The following ZDHHC9 variants were observed in gnomAD, a reference collection of about 807,000 sequenced individuals.
ZDHHC9 encodes the protein palmitoyltransferase ZDHHC9.
In ZDHHC9, 3 loss-of-function variants were observed where a neutral mutation model predicts 26.6. The observed-to-expected ratio is 0.11, with a 90% confidence interval of 0.05 to 0.29. The LOEUF (loss-of-function observed/expected upper bound fraction) is 0.29. ZDHHC9 is among the 10% of genes least tolerant of loss of function. ZDHHC9 has a pLI of 1.00. For synonymous variants in ZDHHC9, 111 were observed against 109.4 expected, an observed-to-expected ratio of 1.01 and a Z score of -0.09; for missense variants, 146 against 296.4, an observed-to-expected ratio of 0.49 and a Z score of 3.73.
chrX:129,838,219 T>C (rs907872246), intron 3 of ZDHHC9, among the ~76,000 whole-genome samples: 6 of 112,644 alleles, frequency 5.3e-5, no homozygotes, highest in African/African-American at 1.9e-4. Context: ...AACCTACTGG[T>C]AATCTATAAT....
intron 4 of ZDHHC9, among the ~76,000 whole-genome samples, chrX:129,825,088 A>G (rs1457039585): frequency 9.0e-6 from 1 of 111,539 alleles, no homozygotes; most frequent in Non-Finnish European, 1.9e-5. Flanking sequence ...GGGGCACCTG[A>G]GATCAGGAGT....
intron 5 of ZDHHC9, among the ~76,000 whole-genome samples, chrX:129,815,830 A>T: frequency 8.9e-6 from 1 of 112,514 alleles, no homozygotes; most frequent in East Asian, 2.7e-4. Context: ...GAAAATACAA[A>T]TACTTCGTCA....
chrX:129,839,718 GAC>G (rs1282574216), intron 3 of ZDHHC9, among the ~76,000 whole-genome samples: 3 of 110,623 alleles, frequency 2.7e-5, no homozygotes, highest in African/African-American at 9.9e-5. Context: ...GTATATGACA[GAC>G]ACACACACAC....
At chrX:129,834,667 C>T (rs115300756) in intron 3 of ZDHHC9, among the ~76,000 whole-genome samples, 6,723 of 111,305 alleles carry the variant, frequency 0.06, 505 homozygotes, top group African/African-American at 0.21. Flanking sequence ...TACCCCTGCT[C>T]GAGAACTTAG....
rs190868140 is a variant in ZDHHC9, at chrX:129,819,962, G to C, written c.487+3717C>G. The stretch of plus-strand genomic sequence containing the variant: ...TCTGCCCACCTCGGCCTCCCAAAGT[G>C]CTGGGATTACAGGAGTGAGCCACCA... On this transcript the variant is annotated intron_variant, in intron 5 of 10. Coordinates refer to ENST00000357166, the MANE Select transcript of ZDHHC9 (RefSeq NM_016032.4). Among the ~76,000 whole-genome samples the C allele has an allele frequency of 1.3e-3, 149 of 111,201 alleles. 1 individual carries two copies. The highest frequency in any genetic ancestry group is 4.6e-3 in the African/African-American group (141 of 30,573).
At chrX:129,824,156 A>T (rs1483478838) in intron 4 of ZDHHC9, among the ~76,000 whole-genome samples, 1 of 112,533 alleles carries the variant, frequency 8.9e-6, no homozygotes, top group African/African-American at 3.2e-5. Flanking sequence ...TAAAAATTAA[A>T]GCACAAAGAT....
rs1382393310 is a variant in ZDHHC9, at chrX:129,811,412, G to T, written c.875C>A (p.Pro292His). 1 of 1,206,285 alleles carries T rather than the reference G, an allele frequency of 8.3e-7. No homozygotes were observed. The highest frequency in any genetic ancestry group is 1.1e-6 in the Non-Finnish European group (1 of 893,137). The stretch of plus-strand genomic sequence containing the variant: ...TTTTGAGTGCCCTGAGCACCTGGGG[G>T]GCAAGGGGCCACACAGCACTTCACA... The part of the protein sequence containing the change: ...NCCEVLCGPL[P>H]PSVLDRRGIL... The change falls in exon 9 of 11, where the codon CCC (proline) becomes CAC (histidine). Residue 292 changes from proline (P) to histidine (H), a missense_variant. Physicochemically the swap from Pro to His is moderately conservative, Grantham distance 77. Around this residue, in one of 2 missense-constraint regions of ZDHHC9, gnomAD observed 100 missense variants for 250.0 expected, o/e 0.40. Transcript: ENST00000357166.
chrX:129,830,303 G>A (rs766267711), intron 3 of ZDHHC9, among the ~76,000 whole-genome samples: 2 of 111,655 alleles, frequency 1.8e-5, no homozygotes, highest in African/African-American at 3.3e-5. Context: ...TCTCCTTATC[G>A]ATAAAATGAG....
At chrX:129,813,567 G>A (rs1270147127) in intron 7 of ZDHHC9, 110 bp downstream of exon 7, 3 of 795,723 alleles carry the variant, frequency 3.8e-6, no homozygotes, top group Non-Finnish European at 3.8e-6. Context: ...TTTAGACCTT[G>A]GCACTCTCTG....
chrX:129,821,085 C>G (rs1927872205), intron 5 of ZDHHC9, among the ~76,000 whole-genome samples: 1 of 111,530 alleles, frequency 9.0e-6, no homozygotes, highest in Non-Finnish European at 1.9e-5. Flanking sequence ...AAAAACCACA[C>G]TGAGATACCA....
rs777145353 is a variant in ZDHHC9 at position 129,818,262 on chromosome X, A to T, written c.488-3467T>A. Among the ~76,000 whole-genome samples, 12 of 111,921 alleles carry T rather than the reference A, an allele frequency of 1.1e-4. No individual in the cohort carries two copies. The South Asian group carries it at 4.1e-3, about 38-fold the overall frequency. ...AGAAACCATCCCTTCTCGCACCTCTATCTTGGACTTCCAGCCTCCAGAATT... is the reference window on the plus strand; with the variant it reads ...AGAAACCATCCCTTCTCGCACCTCTTTCTTGGACTTCCAGCCTCCAGAATT... On this transcript the variant is annotated intron_variant, in intron 5 of 10. Transcript: ENST00000357166.
In ZDHHC9 at chrX:129,805,634, A is replaced by G. The variant is rs1298519042; in HGVS notation, c.*736T>C. 2 of 112,450 alleles carry G rather than the reference A, an allele frequency of 1.8e-5. No homozygotes were observed. Among genetic ancestry groups the G allele is most frequent in the African/African-American group, 3.2e-5 (1 of 30,835 alleles). 9.3% of individuals were successfully genotyped at this position (112,450 alleles called of 1,213,427 possible). ...TGAAGGGCTATGCCGCTGGCATCTC[A>G]TAAATTCTTATTGAGAATGGCACAG... On this transcript the variant is annotated 3_prime_UTR_variant, in exon 11 of 11. Coordinates refer to ENST00000357166, the MANE Select transcript of ZDHHC9 (RefSeq NM_016032.4).
rs1184556704 is a variant in ZDHHC9 at position 129,828,968 on chromosome X, T to C, written c.328+13A>G. The C allele has an allele frequency of 8.3e-7, 1 of 1,211,608 alleles. No individual in the cohort carries two copies. The highest frequency in any genetic ancestry group is 1.1e-6 in the Non-Finnish European group (1 of 895,553). On this transcript the variant is annotated intron_variant, in intron 4 of 10. Transcript: ENST00000357166. ...CACTACACAGCAGCTTGCCAGCTGG[T>C]TGGAAGACTCACCTATCTCCATTTC...
intron 5 of ZDHHC9, among the ~76,000 whole-genome samples, chrX:129,818,223 G>A (rs1467700149): frequency 1.8e-5 from 2 of 111,907 alleles, no homozygotes; most frequent in African/African-American, 3.2e-5. Flanking sequence ...CAAGCCAGGG[G>A]GAGAGGCCTC....
intron 5 of ZDHHC9, 133 bp downstream of exon 5, chrX:129,823,546 T>C (rs970243540): frequency 7.7e-6 from 6 of 782,114 alleles, no homozygotes; most frequent in Non-Finnish European, 1.1e-5. Context: ...GTTGCCTATC[T>C]AAATTTCCCT....
rs1230097064 is a variant in ZDHHC9 at position 129,811,704 on chromosome X, T to C, written c.778-195A>G. Among the ~76,000 whole-genome samples the C allele has an allele frequency of 2.7e-5, 3 of 111,450 alleles. No homozygotes were observed. In the East Asian group the frequency reaches 8.4e-4, roughly 31 times the overall value. ...GCACAACAATGTGATGCCACTGAACTGTACATTTAGGATATGAGGGCGATC... is the reference window on the plus strand; with the variant it reads ...GCACAACAATGTGATGCCACTGAACCGTACATTTAGGATATGAGGGCGATC... On this transcript the variant is annotated intron_variant, in intron 8 of 10. Coordinates refer to ENST00000357166, the MANE Select transcript of ZDHHC9 (RefSeq NM_016032.4).
At chrX:129,828,035 T>C (rs766630428) in intron 4 of ZDHHC9, among the ~76,000 whole-genome samples, 15 of 111,270 alleles carry the variant, frequency 1.3e-4, no homozygotes, top group African/African-American at 4.9e-4. Flanking sequence ...CAGGCTAGTC[T>C]TGAACTCCTG....
intron 3 of ZDHHC9, among the ~76,000 whole-genome samples, chrX:129,830,791 C>T (rs1398219617): frequency 1.8e-5 from 2 of 111,551 alleles, no homozygotes; most frequent in Non-Finnish European, 3.8e-5. Context: ...TCGGAACAAC[C>T]CCCATGAGGT....
At chrX:129,828,645 A>T (rs1602957201) in intron 4 of ZDHHC9, among the ~76,000 whole-genome samples, 2 of 110,528 alleles carry the variant, frequency 1.8e-5, no homozygotes, top group African/African-American at 6.6e-5. Flanking sequence ...AATAAATAAT[A>T]AATCTGTGCT....
Sources: gnomAD v4.1 joint callset for allele counts (sites outside exome capture counted in the v4.1 genomes callset) on GRCh38, gnomAD v4.1.1 for gene constraint, gnomAD v4.1.1 regional missense constraint, MANE v1.5 for transcripts, NCBI Gene and HGNC (gene_info 2026-07-23, HGNC 2026-07-21) for gene names.